Variants in LMBR1 observed in about 807,000 individuals in gnomAD.
LMBR1 encodes the protein limb development membrane protein 1, also known as limb region 1 protein homolog.
In LMBR1, 52 loss-of-function variants were observed where a neutral mutation model predicts 73.9. That is an observed-to-expected ratio of 0.70 (90% confidence interval 0.56 to 0.89). LMBR1 has a LOEUF of 0.89. LMBR1 is among the 40% of genes least tolerant of loss of function. The pLI, the probability that LMBR1 is intolerant of heterozygous loss-of-function variation, is 0.00. For missense variants in LMBR1, 539 were observed against 579.8 expected (o/e 0.93, Z 0.72); for synonymous variants, 215 against 209.4 (o/e 1.03, Z -0.23).
At chr7:156,833,510 C>A (rs556359776) in intron 3 of LMBR1, 1 of 460,594 alleles carries the variant, frequency 2.2e-6, no homozygotes, top group African/African-American at 2.1e-5. Context: ...TAAATTAAGG[C>A]CATTTCCTCA....
At chr7:156,861,132 C>A (rs532816529) in intron 1 of LMBR1, among the ~76,000 whole-genome samples, 1 of 152,250 alleles carries the variant, frequency 6.6e-6, no homozygotes, top group Non-Finnish European at 1.5e-5. Flanking sequence ...TCCATGAGGG[C>A]CCAGCCCCTG....
At chr7:156,873,954 C>T (rs1206600828) in intron 1 of LMBR1, among the ~76,000 whole-genome samples, 3 of 152,252 alleles carry the variant, frequency 2.0e-5, no homozygotes, top group African/African-American at 4.8e-5. Context: ...CAGTGGATTC[C>T]GCACTAGGGC....
At chr7:156,800,372 A>G (rs1268692158) in intron 4 of LMBR1, among the ~76,000 whole-genome samples, 1 of 150,254 alleles carries the variant, frequency 6.7e-6, no homozygotes, top group African/African-American at 2.5e-5. Context: ...TCCTAAGCCC[A>G]TTCTGCCTGT....
intron 5 of LMBR1, among the ~76,000 whole-genome samples, chr7:156,791,556 T>C (rs1011156777): frequency 6.6e-6 from 1 of 152,156 alleles, no homozygotes; most frequent in Non-Finnish European, 1.5e-5. Flanking sequence ...TAGAAACATA[T>C]TAAAAAAATC....
intron 15 of LMBR1, among the ~76,000 whole-genome samples, chr7:156,716,534 T>C (rs1289351838): frequency 6.6e-6 from 1 of 152,210 alleles, no homozygotes; most frequent in Non-Finnish European, 1.5e-5. Context: ...CCCTCCAGCA[T>C]GGATGGTAAC....
rs550790695 is a variant in LMBR1 at position 156,871,327 on chromosome 7, G to A, written c.66+21601C>T. On this transcript the variant is annotated intron_variant, in intron 1 of 16. Coordinates refer to ENST00000353442, the MANE Select transcript of LMBR1 (RefSeq NM_022458.4). The stretch of plus-strand genomic sequence containing the variant: ...AAACCTCCCAAAAGAGAAAAGCCCA[G>A]GACCAGATGGTTTCATTGATGAATG... Among the ~76,000 whole-genome samples the A allele has an allele frequency of 5.9e-5, 9 of 152,288 alleles. No individual in the cohort carries two copies. In the South Asian group the frequency reaches 1.9e-3, roughly 32 times the overall value.
chr7:156,698,122 C>T (rs956427944), intron 15 of LMBR1, among the ~76,000 whole-genome samples: 2 of 152,192 alleles, frequency 1.3e-5, no homozygotes, highest in African/African-American at 4.8e-5. Flanking sequence ...GCAGTCAAAT[C>T]TTAAAGCTCC....
chr7:156,861,905 A>T (rs1007391069), intron 1 of LMBR1, among the ~76,000 whole-genome samples: 1 of 152,164 alleles, frequency 6.6e-6, no homozygotes, highest in Non-Finnish European at 1.5e-5. Flanking sequence ...TTTTTGTCAA[A>T]GCCACTCAAC....
At chr7:156,794,367 C>T (rs1288547578) in intron 5 of LMBR1, among the ~76,000 whole-genome samples, 2 of 152,188 alleles carry the variant, frequency 1.3e-5, no homozygotes, top group Non-Finnish European at 2.9e-5. Context: ...TCTATGATCC[C>T]TCCTCAGCTG....
chr7:156,722,937 T>C (rs1421552761), intron 15 of LMBR1, among the ~76,000 whole-genome samples: 1 of 152,142 alleles, frequency 6.6e-6, no homozygotes, highest in East Asian at 1.9e-4. Flanking sequence ...TTGGCTGAAA[T>C]ATAACAGAAA....
intron 4 of LMBR1, among the ~76,000 whole-genome samples, chr7:156,808,588 T>C (rs1335701764): frequency 6.6e-6 from 1 of 152,228 alleles, no homozygotes; most frequent in African/African-American, 2.4e-5. Flanking sequence ...ATTATTGATA[T>C]AGTTAGCTTT....
In LMBR1 at chr7:156,688,229, GGT is replaced by G. The variant is rs780644271; in HGVS notation, c.1226-40_1226-39del. On this transcript the variant is annotated intron_variant, in intron 15 of 16. Transcript: ENST00000353442. ...AATAAAATAGCCCTTAATGAAATCA[GGT>G]TAAGACATATTTAGTGTGCTACAAG... 5 of 1,443,654 alleles carry G rather than the reference GGT, an allele frequency of 3.5e-6. No homozygotes were observed. The East Asian group carries it at 1.2e-4, about 34-fold the overall frequency. 89.4% of individuals were successfully genotyped at this position (1,443,654 alleles called of 1,614,324 possible). A position where few individuals can be genotyped will look rare whatever the true frequency, so the allele number is the denominator to read the frequency against.
chr7:156,725,766 A>C lies in LMBR1; in HGVS notation c.1065T>G (p.Ile355Met). The change falls in exon 13 of 17, where the codon ATT becomes ATG. Residue 355 changes from isoleucine to methionine, a missense_variant and splice_region_variant. By Grantham distance (10) the Ile-to-Met change is conservative. Around this residue, in one of 3 missense-constraint regions of LMBR1, gnomAD observed 454 missense variants for 473.4 expected, o/e 0.96. Coordinates refer to ENST00000353442, the MANE Select transcript of LMBR1 (RefSeq NM_022458.4). ...ACGTTCAGTTAAAGAAAGGATACAAAATCAAAATGATTTCAAGCGCAGCTC... is the reference window on the plus strand; with the variant it reads ...ACGTTCAGTTAAAGAAAGGATACAACATCAAAATGATTTCAAGCGCAGCTC... Reference protein sequence around the residue: ...FVGAALEIILIFYLMVSSVVG... With the variant: ...FVGAALEIILMFYLMVSSVVG... 1 of 1,612,626 alleles carries C rather than the reference A, an allele frequency of 6.2e-7. No homozygotes were observed. The highest frequency in any genetic ancestry group is 8.5e-7 in the Non-Finnish European group (1 of 1,179,396).
rs759554435 is a variant in LMBR1 at position 156,763,674 on chromosome 7, A to G, written c.545T>C (p.Leu182Ser). The G allele has an allele frequency of 1.3e-6, 2 of 1,588,672 alleles. No individual in the cohort carries two copies. The highest frequency in any genetic ancestry group is 1.7e-6 in the Non-Finnish European group (2 of 1,173,212). Residue 182 changes from leucine to serine, a missense_variant, in exon 6 of 17, where the codon TTA becomes TCA. Leu to Ser is a moderately radical substitution (Grantham distance 145). Around this residue, in one of 3 missense-constraint regions of LMBR1, gnomAD observed 454 missense variants for 473.4 expected, o/e 0.96. Coordinates refer to ENST00000353442, the MANE Select transcript of LMBR1 (RefSeq NM_022458.4). Reference protein sequence around the residue: ...IDNDAASMESLYDLWEFYLPY... With the variant: ...IDNDAASMESSYDLWEFYLPY... ...TAAAACAAGGAAATCCATACCATAT[A>G]AAGATTCCATGCTTGCGGCATCGTT... is the stretch of plus-strand genomic sequence containing the variant.
At chr7:156,835,684 G>A (rs1586124245) in intron 2 of LMBR1, among the ~76,000 whole-genome samples, 1 of 131,414 alleles carries the variant, frequency 7.6e-6, no homozygotes, top group African/African-American at 2.9e-5. Context: ...GACAGAGTGA[G>A]ACTCCATCTC....
At chr7:156,869,062 T>C (rs771670807) in intron 1 of LMBR1, among the ~76,000 whole-genome samples, 7 of 152,194 alleles carry the variant, frequency 4.6e-5, no homozygotes, top group African/African-American at 7.2e-5. Flanking sequence ...AATCAGAACA[T>C]ATTTTCTTTA....
intron 8 of LMBR1, among the ~76,000 whole-genome samples, chr7:156,757,617 G>A (rs113066596): frequency 6.6e-6 from 1 of 152,192 alleles, no homozygotes; most frequent in African/African-American, 2.4e-5. Flanking sequence ...GCTGATATCA[G>A]TGTTCCATAT....
At chr7:156,768,634 A>G (rs1028470893) in intron 5 of LMBR1, among the ~76,000 whole-genome samples, 2 of 152,162 alleles carry the variant, frequency 1.3e-5, no homozygotes, top group African/African-American at 2.4e-5. Flanking sequence ...ATTAGGAAAT[A>G]GGGTTTCCCC....
At chr7:156,719,552 C>T (rs1053010701) in intron 15 of LMBR1, among the ~76,000 whole-genome samples, 13 of 152,104 alleles carry the variant, frequency 8.5e-5, no homozygotes, top group African/African-American at 2.9e-4. Context: ...AGATTCAATG[C>T]CATCCCCATC....
Sources: gnomAD v4.1 joint callset for allele counts (sites outside exome capture counted in the v4.1 genomes callset) on GRCh38, gnomAD v4.1.1 for gene constraint, gnomAD v4.1.1 regional missense constraint, MANE v1.5 for transcripts, NCBI Gene and HGNC (gene_info 2026-07-23, HGNC 2026-07-21) for gene names.